The following CNOT6 variants were observed in gnomAD, a reference collection of about 807,000 sequenced individuals.
CNOT6 encodes CCR4-NOT transcription complex subunit 6.
In CNOT6, 12 loss-of-function variants were observed where a neutral mutation model predicts 61.2. That is an observed-to-expected ratio of 0.20 (90% CI 0.13 to 0.32). CNOT6 has a LOEUF of 0.32. CNOT6 is among the 10% of genes least tolerant of loss of function. CNOT6 has a pLI of 1.00. For synonymous variants in CNOT6, 225 were observed against 240.6 expected (o/e 0.94, Z 0.60); for missense variants, 405 against 663.9 (o/e 0.61, Z 4.28).
chr5:180,551,906 G>A (rs1370388818), intron 3 of CNOT6, among the ~76,000 whole-genome samples: 1 of 138,862 alleles, frequency 7.2e-6, no homozygotes, highest in African/African-American at 2.7e-5. Context: ...TTTTACTCTT[G>A]TCGCCCAGAC....
chr5:180,553,309 C>T, intron 3 of CNOT6, 77 bp from the exon 4 acceptor site: 3 of 973,110 alleles, frequency 3.1e-6, no homozygotes, highest in South Asian at 2.8e-5. Context: ...GCTTATGTTC[C>T]TAGAAACTAT....
chr5:180,507,167 G>A (rs1444801054), intron 1 of CNOT6, among the ~76,000 whole-genome samples: 1 of 152,138 alleles, frequency 6.6e-6, no homozygotes, highest in Non-Finnish European at 1.5e-5. Context: ...AAGGCATGAA[G>A]GTTTGTGAGG....
intron 4 of CNOT6, among the ~76,000 whole-genome samples, chr5:180,556,982 A>AATG (rs1256195207): frequency 6.6e-6 from 1 of 151,940 alleles, no homozygotes; most frequent in African/African-American, 2.4e-5. Context: ...AATGCTACTG[A>AATG]ATGGAATCAT....
chr5:180,525,562 C>T (rs1343641656), intron 1 of CNOT6, among the ~76,000 whole-genome samples: 1 of 151,204 alleles, frequency 6.6e-6, no homozygotes, highest in Non-Finnish European at 1.5e-5. Context: ...AAAAGTAGTT[C>T]TATTTCCTGT....
intron 8 of CNOT6, 131 bp from the exon 9 acceptor site, chr5:180,567,718 G>T: frequency 8.2e-7 from 1 of 1,217,384 alleles, no homozygotes; most frequent in Non-Finnish European, 1.2e-6. Flanking sequence ...TGAACGTGGA[G>T]GATTTTCCGT....
intron 2 of CNOT6, among the ~76,000 whole-genome samples, chr5:180,536,135 A>G (rs1241659536): frequency 1.3e-5 from 2 of 148,822 alleles, no homozygotes; most frequent in East Asian, 2.0e-4. Context: ...AGCTGGTACT[A>G]CAGGCACCCG....
intron 2 of CNOT6, among the ~76,000 whole-genome samples, chr5:180,540,696 TAC>T (rs1758988060): frequency 6.6e-6 from 1 of 152,252 alleles, no homozygotes. Flanking sequence ...ATTTTAAACT[TAC>T]AATGTTTTTA....
At chr5:180,569,010 C>T (rs1760611507) in intron 9 of CNOT6, 100 bp from the exon 10 acceptor site, 1 of 844,502 alleles carries the variant, frequency 1.2e-6, no homozygotes, top group Admixed American at 2.7e-5. Flanking sequence ...CTTTTCTATT[C>T]TGGGACTCTG....
chr5:180,534,362 G>T, intron 2 of CNOT6: 1 of 179,194 alleles, frequency 5.6e-6, no homozygotes, highest in East Asian at 1.4e-4. Flanking sequence ...TAATGGAGGT[G>T]ATTAGGTAGA....
At position 180,574,968 on chromosome 5, in the gene CNOT6, A is replaced by G. The variant is rs1032795832; in HGVS notation, c.*768A>G. 7.2e-5 allele frequency: 11 copies of G among 152,758 alleles called. No individual in the cohort carries two copies. The highest frequency in any genetic ancestry group is 3.2e-3 in the Middle Eastern group (1 of 316). 9.5% of individuals were successfully genotyped at this position (152,758 alleles called of 1,614,324 possible). Reference sequence around the variant, plus strand: ...TTTTATGAAAACTATCTACTAGGACAGATAAGCTGAACAGTGATGATCTGT... The same window carrying G: ...TTTTATGAAAACTATCTACTAGGACGGATAAGCTGAACAGTGATGATCTGT... On this transcript the variant is annotated 3_prime_UTR_variant, in exon 12 of 12. Transcript: ENST00000261951.
chr5:180,505,767 G>A (rs1252991691), intron 1 of CNOT6, among the ~76,000 whole-genome samples: 4 of 151,754 alleles, frequency 2.6e-5, no homozygotes, highest in Admixed American at 2.6e-4. Flanking sequence ...CCAGGATAGT[G>A]TTGATCTCCT....
At chr5:180,503,484 C>T (rs1252625562) in intron 1 of CNOT6, among the ~76,000 whole-genome samples, 1 of 151,400 alleles carries the variant, frequency 6.6e-6, no homozygotes, top group Non-Finnish European at 1.5e-5. Context: ...AGGCTGGTCT[C>T]GAACTCCTGA....
chr5:180,533,675 A>G (rs1190541799), intron 2 of CNOT6, among the ~76,000 whole-genome samples: 1 of 152,176 alleles, frequency 6.6e-6, no homozygotes, highest in East Asian at 1.9e-4. Context: ...TTAGCCTCCC[A>G]AAGTGCTGGT....
intron 2 of CNOT6, among the ~76,000 whole-genome samples, chr5:180,538,038 T>C (rs1758804823): frequency 7.0e-6 from 1 of 142,960 alleles, no homozygotes; most frequent in East Asian, 2.1e-4. Context: ...CATCATCTTT[T>C]TTTTTTTTTT....
At chr5:180,498,888 C>G (rs1756739171) in intron 1 of CNOT6, among the ~76,000 whole-genome samples, 1 of 152,212 alleles carries the variant, frequency 6.6e-6, no homozygotes. Flanking sequence ...CTCCTGGGTT[C>G]CAGCCATTCT....
intron 2 of CNOT6, among the ~76,000 whole-genome samples, chr5:180,549,477 G>A (rs534119704): frequency 2.1e-4 from 32 of 152,052 alleles, no homozygotes; most frequent in African/African-American, 4.6e-4. Flanking sequence ...GTGAAACCCC[G>A]TCTCTACTAA....
At chr5:180,536,116 C>T (rs577025270) in intron 2 of CNOT6, among the ~76,000 whole-genome samples, 1 of 149,756 alleles carries the variant, frequency 6.7e-6, no homozygotes, top group East Asian at 2.0e-4. Flanking sequence ...CTGCCTCAGC[C>T]TCCTGAGTAG....
At chr5:180,505,889 C>T (rs1000943785) in intron 1 of CNOT6, among the ~76,000 whole-genome samples, 1 of 152,046 alleles carries the variant, frequency 6.6e-6, no homozygotes, top group African/African-American at 2.4e-5. Context: ...GGTCCCGAGA[C>T]GGTAGTGTTT....
chr5:180,549,601 A>C (rs539957596), intron 2 of CNOT6, among the ~76,000 whole-genome samples: 130 of 152,124 alleles, frequency 8.5e-4, no homozygotes, highest in Non-Finnish European at 1.2e-3. Context: ...GTGAGCCCAG[A>C]TCACGCCACT....
Sources: allele counts gnomAD v4.1 joint callset (sites outside exome capture counted in the v4.1 genomes callset), GRCh38; gene constraint gnomAD v4.1.1; transcripts MANE v1.5; gene names NCBI Gene and HGNC (gene_info 2026-07-23, HGNC 2026-07-21).